LIPG: variants seen among roughly 807,000 people sequenced by gnomAD.
LIPG encodes lipase G, endothelial type.
Under a neutral mutation model 51.8 loss-of-function variants are expected in LIPG, and 34 were observed. The observed-to-expected ratio is 0.66, with a 90% confidence interval of 0.50 to 0.87. The LOEUF (loss-of-function observed/expected upper bound fraction) is 0.87. LIPG is among the 40% of genes least tolerant of loss of function. The pLI, the probability that LIPG is intolerant of heterozygous loss-of-function variation, is 0.00. For synonymous variants in LIPG, 246 were observed against 246.1 expected, an observed-to-expected ratio of 1.00 and a Z score of 0.00; for missense variants, 580 against 652.7, an observed-to-expected ratio of 0.89 and a Z score of 1.21.
At chr18:49,577,902 C>T (rs1268829349) in intron 5 of LIPG, among the ~76,000 whole-genome samples, 14 of 108,732 alleles carry the variant, frequency 1.3e-4, no homozygotes, top group African/African-American at 5.6e-4. Context: ...GGGCTCCTCA[C>T]TTCCCAGTAG....
intron 5 of LIPG, among the ~76,000 whole-genome samples, chr18:49,579,254 C>G (rs771012041): frequency 8.0e-5 from 11 of 136,974 alleles, no homozygotes; most frequent in East Asian, 2.2e-4. Context: ...CGGATACACT[C>G]TATTTTAATT....
intron 1 of LIPG, 27 bp downstream of exon 1, chr18:49,562,432 C>G: frequency 6.3e-7 from 1 of 1,588,178 alleles, no homozygotes. Flanking sequence ...TTTATTCCCC[C>G]CAGCCACTTC....
In LIPG at chr18:49,591,294, G is replaced by A. The variant is rs2084941233; in HGVS notation, c.*772G>A. The A allele has an allele frequency of 6.6e-6, 1 of 152,326 alleles. No individual in the cohort carries two copies. The highest frequency in any genetic ancestry group is 2.1e-4 in the South Asian group (1 of 4,824). 9.4% of individuals were successfully genotyped at this position (152,326 alleles called of 1,614,324 possible). ...GGGGAAAGGCACCTGGGGCCTGGGGGAGGCTATAGGATATAAGCATTAGGG... is the reference window on the plus strand; with the variant it reads ...GGGGAAAGGCACCTGGGGCCTGGGGAAGGCTATAGGATATAAGCATTAGGG... On this transcript the variant is annotated 3_prime_UTR_variant, in exon 10 of 10. Coordinates refer to ENST00000261292, the MANE Select transcript of LIPG (RefSeq NM_006033.4).
chr18:49,575,307 C>A, intron 4 of LIPG, 62 bp from the exon 5 acceptor site: 1 of 1,326,304 alleles, frequency 7.5e-7, no homozygotes, highest in Non-Finnish European at 1.1e-6. Flanking sequence ...AACTTGTAAT[C>A]AGGACTCACT....
intron 5 of LIPG, among the ~76,000 whole-genome samples, chr18:49,580,386 G>A (rs528667933): frequency 1.4e-4 from 22 of 152,300 alleles, no homozygotes; most frequent in Admixed American, 3.9e-4. Flanking sequence ...TTTGTGGGCC[G>A]TATTGCCTCT....
chr18:49,581,965 C>T (rs2084825264), intron 6 of LIPG: 2 of 587,810 alleles, frequency 3.4e-6, no homozygotes, highest in East Asian at 5.6e-5. Flanking sequence ...CACAAGAAAC[C>T]TGAGGCAGAT....
At chr18:49,575,643 C>T (rs1040575266) in intron 5 of LIPG, 53 bp downstream of exon 5, 2 of 1,459,868 alleles carry the variant, frequency 1.4e-6, no homozygotes, top group Middle Eastern at 1.8e-4. Flanking sequence ...CCATCTCCTT[C>T]TAAATCAGCC....
chr18:49,586,632 G>T, intron 8 of LIPG, 114 bp from the exon 9 acceptor site: 1 of 756,064 alleles, frequency 1.3e-6, no homozygotes, highest in Non-Finnish European at 2.4e-6. Context: ...TTGAGTCGGG[G>T]CATGGCATGA....
chr18:49,578,830 G>T (rs1466972328), intron 5 of LIPG, among the ~76,000 whole-genome samples: 3 of 151,086 alleles, frequency 2.0e-5, no homozygotes, highest in Non-Finnish European at 2.9e-5. Context: ...AGACCGGCCC[G>T]GCCAACACAG....
At chr18:49,579,228 G>A (rs572150607) in intron 5 of LIPG, among the ~76,000 whole-genome samples, 4 of 116,196 alleles carry the variant, frequency 3.4e-5, no homozygotes, top group East Asian at 4.8e-4. Flanking sequence ...GGGAGAGGGA[G>A]AGGGAGAGGG....
upstream of LIPG, chr18:49,562,032 A>G: frequency 7.0e-7 from 1 of 1,430,926 alleles, no homozygotes; most frequent in Non-Finnish European, 9.1e-7. Context: ...CATACTTTTA[A>G]AAACTACCTC....
rs1361943829 is a variant in LIPG, at chr18:49,594,464, T to C, written c.*3942T>C. On this transcript the variant is annotated 3_prime_UTR_variant, in exon 10 of 10. Coordinates refer to ENST00000261292, the MANE Select transcript of LIPG (RefSeq NM_006033.4). ...GCTGTAATTTTGTATCTTTTAACAA[T>C]TCCGTCCCTATTTCCCCTTTCCCCC... 1 of 152,176 alleles carries C rather than the reference T, an allele frequency of 6.6e-6. No individual in the cohort carries two copies. Among genetic ancestry groups the C allele is most frequent in the East Asian group, 1.9e-4 (1 of 5,204 alleles). The allele number at this position is 152,176 out of a possible 1,614,324, so 9.4% of individuals were successfully genotyped here.
upstream of LIPG, chr18:49,561,845 G>A (rs745884578): frequency 8.0e-7 from 1 of 1,254,506 alleles, no homozygotes; most frequent in Non-Finnish European, 1.0e-6. Context: ...GCTGCCTGCG[G>A]AGCGGGCCCG....
intron 9 of LIPG, chr18:49,590,175 G>T (rs1263005132): frequency 3.2e-5 from 5 of 157,140 alleles, no homozygotes; most frequent in African/African-American, 2.5e-4. Flanking sequence ...GTCCATGATT[G>T]TGTGTGTGTG....
At chr18:49,563,293 T>A (rs976192024) in intron 1 of LIPG, among the ~76,000 whole-genome samples, 1 of 152,184 alleles carries the variant, frequency 6.6e-6, no homozygotes, top group African/African-American at 2.4e-5. Context: ...TCAACATGTT[T>A]CCAACTCTGG....
Position 49,591,064 on chromosome 18 carries a change from C to G in LIPG, c.*542C>G, listed in dbSNP as rs2084938770. 5.6e-6 allele frequency: 1 copy of G among 178,868 alleles called. No homozygotes were observed. Among genetic ancestry groups the G allele is most frequent in the African/African-American group, 2.4e-5 (1 of 42,492 alleles). The allele number at this position is 178,868 out of a possible 1,614,324, so 11.1% of individuals were successfully genotyped here. On this transcript the variant is annotated 3_prime_UTR_variant, in exon 10 of 10. Transcript: ENST00000261292. ...CTGCTTACGTCTTAGCCATTCCGTC[C>G]TGCTCCCCAGCTCACTCTCTGAAGC...
intron 1 of LIPG, among the ~76,000 whole-genome samples, chr18:49,563,457 G>A (rs1301497552): frequency 6.6e-6 from 1 of 152,032 alleles, no homozygotes; most frequent in Non-Finnish European, 1.5e-5. Context: ...CCTACTTAGT[G>A]TCAGACACTA....
rs957601708 is a variant in LIPG at position 49,583,642 on chromosome 18, C to T, written c.1244C>T (p.Thr415Ile). The T allele has an allele frequency of 5.0e-6, 8 of 1,614,078 alleles. No homozygotes were observed. The highest frequency in any genetic ancestry group is 6.8e-6 in the Non-Finnish European group (8 of 1,180,052). The change falls in exon 8 of 10, where the codon ACC becomes ATC. Residue 415 changes from threonine (T) to isoleucine (I), a missense_variant. Transcript: ENST00000261292. ...DLGDLLKIQL[T>I]WEGASQSWYN... ...GGAGACCTCTTGAAGATCCAGCTCA[C>T]CTGGGAGGGGGCCTCTCAGTCTTGG...
intron 8 of LIPG, among the ~76,000 whole-genome samples, chr18:49,586,485 C>A (rs1232773899): frequency 7.6e-6 from 1 of 131,936 alleles, no homozygotes; most frequent in Non-Finnish European, 1.7e-5. Flanking sequence ...CCTTGAGAGG[C>A]AGGTGGCCTT....
Sources: gnomAD v4.1 joint callset for allele counts (sites outside exome capture counted in the v4.1 genomes callset) on GRCh38, gnomAD v4.1.1 for gene constraint, MANE v1.5 for transcripts, NCBI Gene and HGNC (gene_info 2026-07-23, HGNC 2026-07-21) for gene names.